The following RPS6KC1 variants were observed in gnomAD, a reference collection of about 807,000 sequenced individuals.
RPS6KC1 encodes ribosomal protein S6 kinase C1.
RPS6KC1 carries 54 observed loss-of-function variants against 103.8 expected under a neutral mutation model. The observed-to-expected ratio is 0.52, with a 90% CI of 0.42 to 0.65. The LOEUF (loss-of-function observed/expected upper bound fraction) is 0.65, where lower values mean the gene tolerates loss of function less well. RPS6KC1 is among the 30% of genes least tolerant of loss of function. RPS6KC1 has a pLI of 0.00. For missense variants in RPS6KC1, 1,151 were observed against 1,253.8 expected, an observed-to-expected ratio of 0.92 and a Z score of 1.24; for synonymous variants, 439 against 438.7, an observed-to-expected ratio of 1.00 and a Z score of -0.01.
intron 12 of RPS6KC1, 112 bp from the exon 13 acceptor site, chr1:213,261,446 A>T: frequency 1.1e-6 from 1 of 915,552 alleles, no homozygotes; most frequent in Non-Finnish European, 1.7e-6. Context: ...GCCCAGTAGT[A>T]TTTAGTATAT....
At chr1:213,264,508 A>T (rs951715277) in intron 14 of RPS6KC1, among the ~76,000 whole-genome samples, 1 of 152,156 alleles carries the variant, frequency 6.6e-6, no homozygotes, top group Non-Finnish European at 1.5e-5. Context: ...GGAATTCCTC[A>T]TAATAAGTTA....
At chr1:213,656,594 C>T in the RPS6KC1 span, among the ~76,000 whole-genome samples, 2 of 152,124 alleles carry the variant, frequency 1.3e-5, no homozygotes, top group African/African-American at 2.4e-5. Context: ...AGGGAAAGGA[C>T]GTTTCTGAGA....
intron 3 of RPS6KC1, among the ~76,000 whole-genome samples, chr1:213,078,550 T>C (rs968929746): frequency 1.3e-5 from 2 of 152,036 alleles, no homozygotes; most frequent in African/African-American, 2.4e-5. Context: ...TACAGGCGTC[T>C]GCCACCACAC....
chr1:213,802,448 C>T, the RPS6KC1 span, among the ~76,000 whole-genome samples: 1 of 152,174 alleles, frequency 6.6e-6, no homozygotes, highest in African/African-American at 2.4e-5. Flanking sequence ...GTAAGACCTC[C>T]AGTAACATTG....
chr1:213,633,572 C>T, the RPS6KC1 span, among the ~76,000 whole-genome samples: 2 of 151,954 alleles, frequency 1.3e-5, no homozygotes, highest in African/African-American at 2.4e-5. Flanking sequence ...AAGGAACAAC[C>T]GGTACCAGCC....
At chr1:213,630,393 C>T in the RPS6KC1 span, among the ~76,000 whole-genome samples, 1 of 152,194 alleles carries the variant, frequency 6.6e-6, no homozygotes, top group Non-Finnish European at 1.5e-5. Flanking sequence ...CTTCTGCATT[C>T]GTCATGTAGT....
chr1:213,279,512 T>C (rs1261124074), downstream of RPS6KC1, among the ~76,000 whole-genome samples: 1 of 152,230 alleles, frequency 6.6e-6, no homozygotes, highest in Non-Finnish European at 1.5e-5. Context: ...TTAAAACCCC[T>C]GGGTCCTAAC....
the RPS6KC1 span, among the ~76,000 whole-genome samples, chr1:213,429,572 A>G: frequency 6.6e-6 from 1 of 152,204 alleles, no homozygotes; most frequent in African/African-American, 2.4e-5. Context: ...AGAATTCAGT[A>G]TCATCACCTC....
the RPS6KC1 span, among the ~76,000 whole-genome samples, chr1:213,391,343 C>T: frequency 6.7e-3 from 1,023 of 152,146 alleles, 3 homozygotes; most frequent in Non-Finnish European, 0.011. Flanking sequence ...GGCTACATCT[C>T]CCCATGCAGT....
the RPS6KC1 span, among the ~76,000 whole-genome samples, chr1:213,652,647 A>G: frequency 6.6e-6 from 1 of 152,188 alleles, no homozygotes; most frequent in Non-Finnish European, 1.5e-5. Context: ...TGCTTTCGGA[A>G]TGCTGTCCTG....
chr1:213,646,897 A>ATATATATTTT, the RPS6KC1 span, among the ~76,000 whole-genome samples: 3 of 150,436 alleles, frequency 2.0e-5, no homozygotes, highest in African/African-American at 7.4e-5. Flanking sequence ...ATATATATAT[A>ATATATATTTT]TTTTTGTTTG....
the RPS6KC1 span, among the ~76,000 whole-genome samples, chr1:213,645,282 A>G: frequency 6.6e-6 from 1 of 152,038 alleles, no homozygotes; most frequent in East Asian, 1.9e-4. Flanking sequence ...TGCCATACCA[A>G]TTCTATGCCC....
the RPS6KC1 span, among the ~76,000 whole-genome samples, chr1:213,782,268 T>C: frequency 1.3e-5 from 2 of 152,116 alleles, no homozygotes; most frequent in Non-Finnish European, 2.9e-5. Context: ...AAAGCAGATG[T>C]AGAGATGCAA....
At chr1:213,297,725 C>T in the RPS6KC1 span, among the ~76,000 whole-genome samples, 6 of 152,094 alleles carry the variant, frequency 3.9e-5, no homozygotes, top group Non-Finnish European at 8.8e-5. Flanking sequence ...ATCCTCCCTC[C>T]TGGGCCTCCC....
chr1:213,674,408 G>A, the RPS6KC1 span, among the ~76,000 whole-genome samples: 1 of 152,302 alleles, frequency 6.6e-6, no homozygotes, highest in South Asian at 2.1e-4. Flanking sequence ...TCCTATATTA[G>A]TGTGCTTAGG....
the RPS6KC1 span, among the ~76,000 whole-genome samples, chr1:213,442,891 T>G: frequency 4.9e-4 from 74 of 152,068 alleles, no homozygotes; most frequent in Non-Finnish European, 8.5e-4. Context: ...ATCAAATTGC[T>G]GCCCTCTGGC....
chr1:213,798,910 G>T, the RPS6KC1 span, among the ~76,000 whole-genome samples: 4 of 152,168 alleles, frequency 2.6e-5, no homozygotes, highest in Middle Eastern at 3.2e-3. Context: ...CTCCAAGTCA[G>T]TGCCAAATTC....
the RPS6KC1 span, among the ~76,000 whole-genome samples, chr1:213,594,807 C>T: frequency 1.3e-5 from 2 of 152,162 alleles, no homozygotes; most frequent in African/African-American, 4.8e-5. Context: ...GAGGGCCAGG[C>T]AGAGCCAGGG....
intron 3 of RPS6KC1, among the ~76,000 whole-genome samples, chr1:213,097,098 G>A (rs1251905104): frequency 6.6e-6 from 1 of 152,186 alleles, no homozygotes; most frequent in Non-Finnish European, 1.5e-5. Context: ...GCTCATACCT[G>A]TAATTCCAGC....
Sources: gnomAD v4.1 joint callset for allele counts (sites outside exome capture counted in the v4.1 genomes callset) on GRCh38, gnomAD v4.1.1 for gene constraint, MANE v1.5 for transcripts, NCBI Gene and HGNC (gene_info 2026-07-23, HGNC 2026-07-21) for gene names.